The following FAM120A variants were observed in gnomAD, a reference collection of about 807,000 sequenced individuals.
The protein encoded by FAM120A is family with sequence similarity 120 member A, also known as constitutive coactivator of PPAR-gamma-like protein 1.
A neutral mutation model predicts 109.7 loss-of-function variants in FAM120A; 15 were observed. The ratio of observed to expected loss-of-function variants is 0.14; its 90% confidence interval spans 0.09 to 0.21. The LOEUF (loss-of-function observed/expected upper bound fraction) is 0.21, where lower values mean the gene tolerates loss of function less well. FAM120A is among the 10% of genes least tolerant of loss of function. The pLI, the probability that FAM120A is intolerant of heterozygous loss-of-function variation, is 1.00. For synonymous variants in FAM120A, 493 were observed against 572.8 expected (o/e 0.86, Z 1.99); for missense variants, 899 against 1,439.3 (o/e 0.62, Z 6.07).
intron 7 of FAM120A, among the ~76,000 whole-genome samples, chr9:93,516,481 C>T (rs1311189865): frequency 6.6e-6 from 1 of 152,182 alleles, no homozygotes; most frequent in Non-Finnish European, 1.5e-5. Flanking sequence ...TTAAAATCTG[C>T]ACTATCCCAG....
chr9:93,508,538 T>C (rs185441337), intron 5 of FAM120A, among the ~76,000 whole-genome samples: 14 of 152,338 alleles, frequency 9.2e-5, no homozygotes, highest in African/African-American at 3.1e-4. Context: ...GGGTGGGCAC[T>C]GCTACCTCCA....
At chr9:93,527,116 AAAG>A in intron 7 of FAM120A, 36 bp from the exon 8 acceptor site, 1 of 1,566,510 alleles carries the variant, frequency 6.4e-7, no homozygotes, top group Admixed American at 1.7e-5. Context: ...CTGGTTTGTG[AAAG>A]TGATTGGACA....
intron 10 of FAM120A, among the ~76,000 whole-genome samples, chr9:93,539,232 C>T (rs1230203604): frequency 1.3e-5 from 2 of 152,050 alleles, no homozygotes; most frequent in African/African-American, 4.8e-5. Flanking sequence ...CTCCTGACCT[C>T]GTGATCCGCC....
intron 3 of FAM120A, among the ~76,000 whole-genome samples, chr9:93,495,777 G>A (rs1859549222): frequency 6.6e-6 from 1 of 152,114 alleles, no homozygotes. Flanking sequence ...TCAGGAAATT[G>A]GACAACATTC....
intron 1 of FAM120A, among the ~76,000 whole-genome samples, chr9:93,459,767 T>C (rs911292190): frequency 2.6e-5 from 4 of 152,192 alleles, no homozygotes; most frequent in African/African-American, 9.7e-5. Context: ...GGATGTTAAC[T>C]GAAGGCATCT....
At chr9:93,525,559 T>C (rs1588881654) in intron 7 of FAM120A, among the ~76,000 whole-genome samples, 1 of 152,336 alleles carries the variant, frequency 6.6e-6, no homozygotes, top group East Asian at 1.9e-4. Context: ...GTTGTGCCAA[T>C]GTTGCCATGT....
chr9:93,529,366 C>G lies in FAM120A; in HGVS notation c.1520C>G (p.Ser507Cys), dbSNP rs777068576. 1 of 1,607,600 alleles carries G rather than the reference C, an allele frequency of 6.2e-7. No homozygotes were observed. The highest frequency in any genetic ancestry group is 8.5e-7 in the Non-Finnish European group (1 of 1,176,820). ...TCTGCACTGTAGGCAGAAGGCTCGT[C>G]CACTGCCTCTTCAGGAAGCCAACTA... Reference protein sequence around the residue: ...PGDQTKAEGSSTASSGSQLAE... With the variant: ...PGDQTKAEGSCTASSGSQLAE... The change falls in exon 9 of 18, where the codon TCC (serine) becomes TGC (cysteine). Residue 507 changes from serine to cysteine, a missense_variant. Ser to Cys is a moderately radical substitution (Grantham distance 112). Coordinates refer to ENST00000277165, the MANE Select transcript of FAM120A (RefSeq NM_014612.5).
chr9:93,532,493 A>C lies in FAM120A; in HGVS notation c.1909+164A>C. ...AGTAGGCCAGGGTAAAGGCTCTTAG[A>C]AAAGGAGGAGAAGCCACAGACTTTC... On this transcript the variant is annotated intron_variant, in intron 10 of 17. Coordinates refer to ENST00000277165, the MANE Select transcript of FAM120A (RefSeq NM_014612.5). This position sits in a 1 kb window ranked among gnomAD's most constrained non-coding sequence, Gnocchi z 4.3. The C allele has an allele frequency of 1.5e-6, 1 of 654,910 alleles. No individual in the cohort carries two copies. Among genetic ancestry groups the C allele is most frequent in the East Asian group, 2.7e-5 (1 of 36,618 alleles). The allele number at this position is 654,910 out of a possible 1,614,324, so 40.6% of individuals were successfully genotyped here.
Position 93,494,845 on chromosome 9 carries a change from C to G in FAM120A, c.805-2626C>G, listed in dbSNP as rs553368038. Among the ~76,000 whole-genome samples, 7 of 152,242 alleles carry G rather than the reference C, an allele frequency of 4.6e-5. No homozygotes were observed. In the South Asian group the frequency reaches 1.4e-3, roughly 32 times the overall value. On this transcript the variant is annotated intron_variant, in intron 3 of 17. Coordinates refer to ENST00000277165, the MANE Select transcript of FAM120A (RefSeq NM_014612.5). The stretch of plus-strand genomic sequence containing the variant: ...AGTGATCGAGGACTGGCCTCTGGCA[C>G]GGGTGACATTAGGCCACCACAGGCT...
intron 5 of FAM120A, among the ~76,000 whole-genome samples, chr9:93,506,760 G>A (rs1484777559): frequency 6.6e-6 from 1 of 152,006 alleles, no homozygotes; most frequent in African/African-American, 2.4e-5. Flanking sequence ...ACCATGCCCG[G>A]CTAATTTTTG....
chr9:93,556,714 T>G (rs970543203), intron 13 of FAM120A, 123 bp downstream of exon 13: 3 of 901,574 alleles, frequency 3.3e-6, no homozygotes, highest in African/African-American at 3.3e-5. Context: ...AGGTTGGGCC[T>G]GGTACTGAGT....
chr9:93,477,677 C>T (rs185001667), intron 3 of FAM120A, among the ~76,000 whole-genome samples: 42 of 152,288 alleles, frequency 2.8e-4, no homozygotes, highest in Admixed American at 2.7e-3. Flanking sequence ...AAGCTTGTTT[C>T]CTACAAGATT....
chr9:93,550,803 G>A, intron 12 of FAM120A, 112 bp downstream of exon 12: 2 of 717,872 alleles, frequency 2.8e-6, no homozygotes, highest in Non-Finnish European at 4.8e-6. Flanking sequence ...AATTGCTTTA[G>A]TCCACTAAAC....
At chr9:93,464,900 G>A (rs928064126) in intron 1 of FAM120A, among the ~76,000 whole-genome samples, 2 of 152,182 alleles carry the variant, frequency 1.3e-5, no homozygotes, top group African/African-American at 4.8e-5. Flanking sequence ...TGAACATTGC[G>A]TTTAATAGTT....
chr9:93,541,996 C>T (rs10821155), intron 10 of FAM120A, among the ~76,000 whole-genome samples: 79,062 of 152,066 alleles, frequency 0.52, 20,840 homozygotes, highest in East Asian at 0.59. Context: ...AACTGGAGAT[C>T]AGCCAGTAAT....
At chr9:93,491,876 A>G (rs183089705) in intron 3 of FAM120A, among the ~76,000 whole-genome samples, 1 of 152,270 alleles carries the variant, frequency 6.6e-6, no homozygotes, top group African/African-American at 2.4e-5. Context: ...AAAGCAGAGG[A>G]GGAAATAAAT....
rs1862620544 is a variant in FAM120A at position 93,566,041 on chromosome 9, G to C, written c.*1501G>C. 6.6e-6 allele frequency: 1 copy of C among 152,602 alleles called. No individual in the cohort carries two copies. Among genetic ancestry groups the C allele is most frequent in the African/African-American group, 2.4e-5 (1 of 41,414 alleles). 9.5% of individuals were successfully genotyped at this position (152,602 alleles called of 1,614,324 possible). On this transcript the variant is annotated 3_prime_UTR_variant, in exon 18 of 18. Coordinates refer to ENST00000277165, the MANE Select transcript of FAM120A (RefSeq NM_014612.5). ...TTTGATTGACTGTCGATGGATTGTG[G>C]TGTGGTGTATCTGAAGGCTATTGAA...
rs779446882 is a variant in FAM120A at position 93,557,979 on chromosome 9, A to C, written c.2637A>C (p.Pro879=). Residue 879 remains proline (P), a synonymous_variant, in exon 14 of 18, where the codon CCA becomes CCC. Transcript: ENST00000277165. The part of the protein sequence containing the change: ...SAYPRHFGPV[P]PSQGRGRGFA... ...ACCCCCGGCACTTTGGGCCTGTCCC[A>C]CCCTCTCAGGGCAGGGGCAGAGGCT... is the stretch of plus-strand genomic sequence containing the variant. 1.2e-6 allele frequency: 2 copies of C among 1,601,410 alleles called. No homozygotes were observed. The highest frequency in any genetic ancestry group is 2.7e-5 in the African/African-American group (2 of 74,876).
intron 17 of FAM120A, among the ~76,000 whole-genome samples, chr9:93,563,023 T>C (rs1862525819): frequency 6.6e-6 from 1 of 152,206 alleles, no homozygotes; most frequent in African/African-American, 2.4e-5. Flanking sequence ...AAAATGACGA[T>C]TGCATTGATT....
Sources: allele counts gnomAD v4.1 joint callset (sites outside exome capture counted in the v4.1 genomes callset), GRCh38; gene constraint gnomAD v4.1.1; non-coding constraint Gnocchi (gnomAD v3.1); transcripts MANE v1.5; gene names NCBI Gene and HGNC (gene_info 2026-07-23, HGNC 2026-07-21).